Variants in SPMIP4 observed in about 807,000 individuals in gnomAD.
SPMIP4 encodes the protein sperm-associated microtubule inner protein 4.
the SPMIP4 span, among the ~76,000 whole-genome samples, chr7:25,159,176 G>A: frequency 6.6e-6 from 1 of 152,240 alleles, no homozygotes; most frequent in Admixed American, 6.5e-5. Context: ...TACATGGGGT[G>A]CAATTTCATA....
At chr7:25,127,784 A>AT in the SPMIP4 span, among the ~76,000 whole-genome samples, 1 of 152,062 alleles carries the variant, frequency 6.6e-6, no homozygotes, top group Non-Finnish European at 1.5e-5. Flanking sequence ...AGAGTTAGGT[A>AT]TTTATTATTG....
At chr7:25,162,621 A>G in the SPMIP4 span, among the ~76,000 whole-genome samples, 1 of 152,204 alleles carries the variant, frequency 6.6e-6, no homozygotes, top group Non-Finnish European at 1.5e-5. Context: ...CAAAAACTAT[A>G]CATTTTGATA....
chr7:25,159,539 AATGTT>A, the SPMIP4 span, among the ~76,000 whole-genome samples: 1 of 152,220 alleles, frequency 6.6e-6, no homozygotes, highest in African/African-American at 2.4e-5. Flanking sequence ...AAATGAACAG[AATGTT>A]ATCAATTTGA....
At chr7:25,140,632 C>G in the SPMIP4 span, among the ~76,000 whole-genome samples, 435 of 149,258 alleles carry the variant, frequency 2.9e-3, 1 homozygote, top group Non-Finnish European at 5.1e-3. Context: ...TTCTTTTCTC[C>G]CCCCGCCCAG....
chr7:25,141,885 G>A, the SPMIP4 span, among the ~76,000 whole-genome samples: 91,115 of 151,560 alleles, frequency 0.6, 28,466 homozygotes, highest in Non-Finnish European at 0.69. Flanking sequence ...GTAGAGGCGA[G>A]TGCCACCACG....
chr7:25,134,657 A>T, the SPMIP4 span: 1 of 985,078 alleles, frequency 1.0e-6, no homozygotes, highest in Non-Finnish European at 1.2e-6. Context: ...TATGAACATT[A>T]CACAAAACTC....
chr7:25,179,131 T>C, the SPMIP4 span: 2 of 1,566,166 alleles, frequency 1.3e-6, no homozygotes, highest in Admixed American at 1.9e-5. Context: ...ACGAATACAT[T>C]AAAACTGCTT....
At chr7:25,142,206 C>G in the SPMIP4 span, 1 of 1,510,306 alleles carries the variant, frequency 6.6e-7, no homozygotes. Flanking sequence ...AGCACTCTCC[C>G]CCAAAATAAC....
At chr7:25,161,110 C>A in the SPMIP4 span, 1 of 792,412 alleles carries the variant, frequency 1.3e-6, no homozygotes, top group Non-Finnish European at 2.0e-6. Context: ...CCATTTGGGG[C>A]TTTAAAAATG....
At chr7:25,143,166 T>C in the SPMIP4 span, among the ~76,000 whole-genome samples, 11 of 152,222 alleles carry the variant, frequency 7.2e-5, no homozygotes, top group Non-Finnish European at 1.2e-4. Context: ...TTAGCTAAAA[T>C]TGTGTGCCTT....
the SPMIP4 span, among the ~76,000 whole-genome samples, chr7:25,133,149 G>C: frequency 6.6e-6 from 1 of 152,336 alleles, no homozygotes; most frequent in South Asian, 2.1e-4. Context: ...AGGTAGGAGG[G>C]AAGGAATTGC....
At chr7:25,169,732 G>A in the SPMIP4 span, among the ~76,000 whole-genome samples, 1 of 151,974 alleles carries the variant, frequency 6.6e-6, no homozygotes, top group Non-Finnish European at 1.5e-5. Flanking sequence ...CCACCACCAC[G>A]CCTGGCTAAT....
the SPMIP4 span, among the ~76,000 whole-genome samples, chr7:25,175,643 G>T: frequency 6.6e-6 from 1 of 152,152 alleles, no homozygotes; most frequent in Admixed American, 6.5e-5. Flanking sequence ...TTAAGCTGCT[G>T]AGTGCAAACG....
the SPMIP4 span, chr7:25,135,346 T>C: frequency 5.1e-6 from 5 of 985,470 alleles, no homozygotes; most frequent in South Asian, 4.7e-5. Flanking sequence ...CAATTCAATT[T>C]GTAATGTGTA....
the SPMIP4 span, among the ~76,000 whole-genome samples, chr7:25,139,364 G>C: frequency 2.0e-5 from 3 of 151,812 alleles, no homozygotes; most frequent in Non-Finnish European, 4.4e-5. Flanking sequence ...AAATGTTAGT[G>C]GTAGAATCTA....
chr7:25,142,164 G>T, the SPMIP4 span: 3 of 1,028,174 alleles, frequency 2.9e-6, no homozygotes, highest in African/African-American at 1.6e-5. Context: ...TAAAACCCAG[G>T]ACACAAAAAG....
At chr7:25,170,828 G>C in the SPMIP4 span, among the ~76,000 whole-genome samples, 446 of 152,238 alleles carry the variant, frequency 2.9e-3, 1 homozygote, top group African/African-American at 0.01. Context: ...GATTATCTTT[G>C]GATTTTCAGA....
At chr7:25,147,582 C>T in the SPMIP4 span, among the ~76,000 whole-genome samples, 2 of 151,872 alleles carry the variant, frequency 1.3e-5, no homozygotes, top group African/African-American at 2.4e-5. Context: ...CCACATGCAA[C>T]GTGAAAGGAG....
the SPMIP4 span, among the ~76,000 whole-genome samples, chr7:25,159,751 A>T: frequency 6.6e-6 from 1 of 152,196 alleles, no homozygotes; most frequent in Non-Finnish European, 1.5e-5. Flanking sequence ...GCACGAAACT[A>T]AAAAAAGCAT....
Sources: gnomAD v4.1 joint callset for allele counts (sites outside exome capture counted in the v4.1 genomes callset) on GRCh38, gnomAD v4.1.1 for gene constraint, MANE v1.5 for transcripts, NCBI Gene and HGNC (gene_info 2026-07-23, HGNC 2026-07-21) for gene names.